COL25A1: variants seen among roughly 807,000 people sequenced by gnomAD.
COL25A1 encodes collagen type XXV alpha 1 chain, also known as collagen alpha-1(XXV) chain.
Under a neutral mutation model 128.4 loss-of-function variants are expected in COL25A1, and 103 were observed. The observed-to-expected ratio is 0.80, with a 90% CI of 0.68 to 0.94. The LOEUF (loss-of-function observed/expected upper bound fraction) is 0.94, where lower values mean the gene tolerates loss of function less well. Among genes scored for constraint, COL25A1 ranks in the 40% least tolerant of loss-of-function variants. The pLI, the probability that COL25A1 is intolerant of heterozygous loss-of-function variation, is 0.00. For synonymous variants in COL25A1, 279 were observed against 277.2 expected (o/e 1.01, Z -0.06); for missense variants, 745 against 840.0 (o/e 0.89, Z 1.40).
At chr4:108,870,048 T>C (rs1738512697) in intron 19 of COL25A1, among the ~76,000 whole-genome samples, 1 of 151,666 alleles carries the variant, frequency 6.6e-6, no homozygotes, top group Non-Finnish European at 1.5e-5. Context: ...AGTCCAGGAG[T>C]TTGAGACCAG....
At position 109,218,356 on chromosome 4, in the gene COL25A1, G is replaced by GGTTTTTTTTTTGTTTGTTTGTTT. The variant is rs1553961819; in HGVS notation, c.367+82226_367+82227insAAACAAACAAACAAAAAAAAAAC. 7.0e-5 allele frequency among the ~76,000 whole-genome samples: 7 copies of GGTTTTTTTTTTGTTTGTTTGTTT among 100,466 alleles called. 1 individual carries two copies. Among genetic ancestry groups the GGTTTTTTTTTTGTTTGTTTGTTT allele is most frequent in the African/African-American group, 2.5e-4 (6 of 24,408 alleles). 65.9% of individuals were successfully genotyped at this position (100,466 alleles called of 152,430 possible). ...GCAGAATCAATTGCTGGTTTTTTGG[G>GGTTTTTTTTTTGTTTGTTTGTTT]GTTTTTTTTTTTTTTTTTTTTTTTT... On this transcript the variant is annotated intron_variant, in intron 3 of 37. Transcript: ENST00000399132.
chr4:109,073,631 A>G (rs1375571454), intron 3 of COL25A1, among the ~76,000 whole-genome samples: 3 of 152,206 alleles, frequency 2.0e-5, no homozygotes, highest in Non-Finnish European at 4.4e-5. Context: ...CTGATAATCA[A>G]TGTTCCTCTA....
At chr4:109,143,638 C>T (rs1295326302) in intron 3 of COL25A1, among the ~76,000 whole-genome samples, 7 of 152,178 alleles carry the variant, frequency 4.6e-5, no homozygotes, top group Non-Finnish European at 7.3e-5. Flanking sequence ...TGTCTTCACA[C>T]TTTATTTCAC....
At chr4:109,093,474 A>C (rs1028617919) in intron 3 of COL25A1, among the ~76,000 whole-genome samples, 4 of 151,520 alleles carry the variant, frequency 2.6e-5, no homozygotes, top group African/African-American at 4.9e-5. Context: ...AAAAAAAAAA[A>C]AACCTTTTTT....
intron 3 of COL25A1, among the ~76,000 whole-genome samples, chr4:109,074,978 C>T (rs1181186983): frequency 6.6e-6 from 1 of 152,102 alleles, no homozygotes; most frequent in East Asian, 1.9e-4. Context: ...TAGGTGAGCT[C>T]TGTATTGCAT....
At chr4:108,857,220 C>T (rs74392931) in intron 24 of COL25A1, among the ~76,000 whole-genome samples, 10,794 of 152,046 alleles carry the variant, frequency 0.071, 467 homozygotes, top group African/African-American at 0.12. Flanking sequence ...TACAACATTG[C>T]TAATAAACTA....
intron 27 of COL25A1, among the ~76,000 whole-genome samples, chr4:108,847,046 C>T (rs911262076): frequency 6.6e-6 from 1 of 151,838 alleles, no homozygotes; most frequent in Non-Finnish European, 1.5e-5. Flanking sequence ...GCTGGGGCTA[C>T]AAGCATGCGC....
intron 19 of COL25A1, among the ~76,000 whole-genome samples, chr4:108,877,755 G>A (rs1739634990): frequency 6.6e-6 from 1 of 151,880 alleles, no homozygotes; most frequent in African/African-American, 2.4e-5. Flanking sequence ...AGAAAGGCAA[G>A]GCAAAGCTGG....
chr4:109,180,919 A>G (rs1267682238), intron 3 of COL25A1, among the ~76,000 whole-genome samples: 1 of 152,110 alleles, frequency 6.6e-6, no homozygotes, highest in Non-Finnish European at 1.5e-5. Context: ...ATTTCTAGAG[A>G]TATATCTTTT....
chr4:108,913,495 T>A (rs1214189537), intron 13 of COL25A1, among the ~76,000 whole-genome samples: 4 of 151,958 alleles, frequency 2.6e-5, no homozygotes, highest in Admixed American at 2.6e-4. Context: ...CGACCTCAGG[T>A]GATCCACCCA....
At chr4:108,937,335 AT>A (rs11296982) in intron 11 of COL25A1, among the ~76,000 whole-genome samples, 10,088 of 146,214 alleles carry the variant, frequency 0.069, 564 homozygotes, top group African/African-American at 0.15. Flanking sequence ...TTTCAGGACC[AT>A]TTTTTTTTTT....
Position 109,302,432 on chromosome 4 carries a change from G to T in COL25A1, c.-320C>A, listed in dbSNP as rs1252261552. ...CGGCTCGCCCTGGCCACGGAGGACC[G>T]GACCTGTTGCGCCTCTGTGAGTTTG... On this transcript the variant is annotated 5_prime_UTR_variant, in exon 1 of 38. Transcript: ENST00000399132. The T allele has an allele frequency of 5.0e-6, 1 of 199,176 alleles. No individual in the cohort carries two copies. The highest frequency in any genetic ancestry group is 1.0e-5 in the Non-Finnish European group (1 of 99,542). The allele number at this position is 199,176 out of a possible 1,614,324, so 12.3% of individuals were successfully genotyped here.
chr4:108,832,547 TCTC>T (rs1011190054), intron 31 of COL25A1, 114 bp from the exon 32 acceptor site: 2 of 666,324 alleles, frequency 3.0e-6, no homozygotes, highest in Non-Finnish European at 5.2e-6. Context: ...AGACAACTCA[TCTC>T]CTTTCAAAGT....
At chr4:109,231,831 A>C (rs1483653902) in intron 3 of COL25A1, among the ~76,000 whole-genome samples, 2 of 152,230 alleles carry the variant, frequency 1.3e-5, no homozygotes, top group Admixed American at 6.5e-5. Context: ...GCAAGTCAGA[A>C]ACTTGCTGAA....
At chr4:109,020,706 TGTTCATATGTGGAACATAA>T (rs1366494917) in intron 5 of COL25A1, among the ~76,000 whole-genome samples, 1 of 152,238 alleles carries the variant, frequency 6.6e-6, no homozygotes, top group Non-Finnish European at 1.5e-5. Flanking sequence ...ATAACTAACA[TGTTCATATGTGGAACATAA>T]GTAAAAAATT....
At chr4:109,193,178 G>A (rs1692563922) in intron 3 of COL25A1, among the ~76,000 whole-genome samples, 1 of 151,534 alleles carries the variant, frequency 6.6e-6, no homozygotes, top group Non-Finnish European at 1.5e-5. Flanking sequence ...ACCAGAGAAA[G>A]AAAAATTAGA....
chr4:109,091,904 G>A (rs1406886682), intron 3 of COL25A1, among the ~76,000 whole-genome samples: 1 of 152,126 alleles, frequency 6.6e-6, no homozygotes, highest in African/African-American at 2.4e-5. Flanking sequence ...ATTGAGATGT[G>A]AGCCAGCGCT....
Position 108,810,572 on chromosome 4 carries a change from C to T in COL25A1, c.*3355G>A, listed in dbSNP as rs1027763666. On this transcript the variant is annotated 3_prime_UTR_variant, in exon 38 of 38. Coordinates refer to ENST00000399132, the MANE Select transcript of COL25A1 (RefSeq NM_198721.4). The stretch of plus-strand genomic sequence containing the variant: ...ATATTTGTGCACTAGGTACTCTATA[C>T]GGTGTGTGCAGACTTCTCTGATGCT... The T allele has an allele frequency of 6.6e-6, 1 of 151,928 alleles. No homozygotes were observed. The highest frequency in any genetic ancestry group is 2.4e-5 in the African/African-American group (1 of 41,428). The allele number at this position is 151,928 out of a possible 1,614,324, so 9.4% of individuals were successfully genotyped here.
chr4:108,814,090 G>T (rs1481880244), intron 37 of COL25A1, among the ~76,000 whole-genome samples, 161 bp from the exon 38 acceptor site: 1 of 152,122 alleles, frequency 6.6e-6, no homozygotes. Context: ...TGATATGTGT[G>T]CTATATATTA....
Sources: allele counts gnomAD v4.1 joint callset (sites outside exome capture counted in the v4.1 genomes callset), GRCh38; gene constraint gnomAD v4.1.1; transcripts MANE v1.5; gene names NCBI Gene and HGNC (gene_info 2026-07-23, HGNC 2026-07-21).